The following TIMM9 variants were observed in gnomAD, a reference collection of about 807,000 sequenced individuals.
TIMM9 encodes mitochondrial import inner membrane translocase subunit Tim9.
A neutral mutation model predicts 13.4 loss-of-function variants in TIMM9; 10 were observed. The ratio of observed to expected loss-of-function variants is 0.75; its 90% confidence interval spans 0.46 to 1.26. TIMM9 has a LOEUF of 1.26. TIMM9 is among the 50% of genes most tolerant of loss of function. TIMM9 has a pLI of 0.00. For synonymous variants in TIMM9, 32 were observed against 32.1 expected, an observed-to-expected ratio of 1.00 and a Z score of 0.01; for missense variants, 87 against 100.8, an observed-to-expected ratio of 0.86 and a Z score of 0.58.
intron 3 of TIMM9, among the ~76,000 whole-genome samples, chr14:58,422,115 CTTT>C (rs762867153): frequency 2.4e-5 from 3 of 126,632 alleles, no homozygotes; most frequent in Non-Finnish European, 3.4e-5. Flanking sequence ...AGTATGAAAT[CTTT>C]TTTTTTTTTT....
chr14:58,418,542 GA>G (rs2036487076), intron 3 of TIMM9, among the ~76,000 whole-genome samples: 1 of 152,112 alleles, frequency 6.6e-6, no homozygotes, highest in Non-Finnish European at 1.5e-5. Context: ...ATATAATTAT[GA>G]ACATGCAAAA....
Position 58,408,778 on chromosome 14 carries a change from T to A in TIMM9, c.*256A>T. On this transcript the variant is annotated 3_prime_UTR_variant, in exon 6 of 6. Transcript: ENST00000395159. Reference sequence around the variant, plus strand: ...ACAATGGTTTATTTTTCTAATCAAGTGACCAAGCTGCTGAATCATAAGGCC... The same window carrying A: ...ACAATGGTTTATTTTTCTAATCAAGAGACCAAGCTGCTGAATCATAAGGCC... 1 of 689,116 alleles carries A rather than the reference T, an allele frequency of 1.5e-6. No homozygotes were observed. 42.7% of individuals were successfully genotyped at this position (689,116 alleles called of 1,614,324 possible). A position where few individuals can be genotyped will look rare whatever the true frequency, so the allele number is the denominator to read the frequency against.
intron 3 of TIMM9, among the ~76,000 whole-genome samples, chr14:58,415,380 A>T (rs543958971): frequency 3.5e-4 from 53 of 152,326 alleles, no homozygotes; most frequent in Non-Finnish European, 6.5e-4. Flanking sequence ...AAGACAACAG[A>T]TGCTCAACAT....
chr14:58,421,978 G>C lies in TIMM9; in HGVS notation c.-27+2030C>G, dbSNP rs148132066. 2.9e-3 allele frequency among the ~76,000 whole-genome samples: 442 copies of C among 150,248 alleles called. 3 individuals are homozygous for C. The highest frequency in any genetic ancestry group is 9.5e-3 in the African/African-American group (388 of 40,894). On this transcript the variant is annotated intron_variant, in intron 3 of 5. Transcript: ENST00000395159. ...ACAGTTCACATCAAAAAATAACACA[G>C]AGCTGATTTCCTTCTTATAATGCCA...
At chr14:58,427,328 T>C (rs552712838) in intron 1 of TIMM9, 64 bp downstream of exon 1, 1 of 367,900 alleles carries the variant, frequency 2.7e-6, no homozygotes, top group African/African-American at 2.1e-5. Flanking sequence ...CAACGCTTTC[T>C]ATTCCCGACT....
chr14:58,411,372 C>T (rs1311746333), intron 4 of TIMM9, among the ~76,000 whole-genome samples: 5 of 151,330 alleles, frequency 3.3e-5, no homozygotes, highest in Admixed American at 2.0e-4. Context: ...TGCTTGGGCC[C>T]GGGAGATGGA....
At chr14:58,415,882 G>A (rs183537436) in intron 3 of TIMM9, among the ~76,000 whole-genome samples, 6 of 151,932 alleles carry the variant, frequency 3.9e-5, no homozygotes, top group African/African-American at 7.3e-5. Context: ...GCATAAACCC[G>A]ATGAAACCTA....
chr14:58,417,961 T>C (rs920188464), intron 3 of TIMM9, among the ~76,000 whole-genome samples: 1 of 152,100 alleles, frequency 6.6e-6, no homozygotes, highest in African/African-American at 2.4e-5. Flanking sequence ...TACATAAACC[T>C]GACAACTTCT....
chr14:58,426,894 C>G (rs1004130637), intron 2 of TIMM9, among the ~76,000 whole-genome samples, 160 bp downstream of exon 2: 1 of 152,170 alleles, frequency 6.6e-6, no homozygotes, highest in African/African-American at 2.4e-5. Flanking sequence ...CCAGGAAGGT[C>G]TGCACCCGAC....
At chr14:58,426,666 T>C (rs1311344871) in intron 2 of TIMM9, among the ~76,000 whole-genome samples, 1 of 152,228 alleles carries the variant, frequency 6.6e-6, no homozygotes, top group African/African-American at 2.4e-5. Context: ...TAGCGCATCC[T>C]GGGAAATGAG....
intron 3 of TIMM9, among the ~76,000 whole-genome samples, chr14:58,422,679 A>G (rs1186189579): frequency 6.6e-6 from 1 of 152,200 alleles, no homozygotes; most frequent in Admixed American, 6.5e-5. Flanking sequence ...AAAGTAATAT[A>G]TTTATTGAGA....
At position 58,422,612 on chromosome 14, in the gene TIMM9, ATTAC is replaced by A. The variant is rs1335183984; in HGVS notation, c.-27+1392_-27+1395del. On this transcript the variant is annotated intron_variant, in intron 3 of 5. Coordinates refer to ENST00000395159, the MANE Select transcript of TIMM9 (RefSeq NM_012460.4). ...TTTATTCATTAATGTATTAATATAC[ATTAC>A]TTAAACAGTGTATGTTTCCTCTTTT... Among the ~76,000 whole-genome samples, 29 of 152,298 alleles carry A rather than the reference ATTAC, an allele frequency of 1.9e-4. No individual in the cohort carries two copies. In the East Asian group the frequency reaches 5.2e-3, roughly 27 times the overall value.
chr14:58,420,349 T>C (rs1022461487), intron 3 of TIMM9, among the ~76,000 whole-genome samples: 12 of 151,496 alleles, frequency 7.9e-5, no homozygotes, highest in African/African-American at 2.7e-4. Context: ...TAAAGAACTC[T>C]CAAACCCCAG....
At chr14:58,409,918 C>T (rs1466370508) in intron 5 of TIMM9, among the ~76,000 whole-genome samples, 1 of 152,016 alleles carries the variant, frequency 6.6e-6, no homozygotes, top group Non-Finnish European at 1.5e-5. Flanking sequence ...TCTCTGTTGC[C>T]CAGGGTGGAG....
intron 2 of TIMM9, among the ~76,000 whole-genome samples, chr14:58,426,098 C>T (rs372768744): frequency 6.6e-6 from 1 of 151,848 alleles, no homozygotes; most frequent in Non-Finnish European, 1.5e-5. Context: ...GCCTGTGCCA[C>T]AGAGTGAGAC....
At chr14:58,416,167 G>A (rs1394830241) in intron 3 of TIMM9, among the ~76,000 whole-genome samples, 1 of 152,106 alleles carries the variant, frequency 6.6e-6, no homozygotes, top group Admixed American at 6.5e-5. Flanking sequence ...GGCAGAGGTT[G>A]CAGTGAGCCA....
chr14:58,411,427 G>A (rs1192637632), intron 4 of TIMM9, among the ~76,000 whole-genome samples: 2 of 150,258 alleles, frequency 1.3e-5, no homozygotes, highest in African/African-American at 2.5e-5. Flanking sequence ...CAGCCTGGCC[G>A]ACAAAGAGAG....
rs549526864 is a variant in TIMM9 at position 58,408,549 on chromosome 14, T to A, written c.*485A>T. 1.1e-5 allele frequency: 18 copies of A among 1,613,876 alleles called. No homozygotes were observed. In the Admixed American group the frequency reaches 1.2e-4, roughly 10 times the overall value. On this transcript the variant is annotated 3_prime_UTR_variant, in exon 6 of 6. Transcript: ENST00000395159. ...ACCAGCAATTTGAGGCAGACATGAA[T>A]GAACAGGACTGCTTGGAGGATGATC...
At chr14:58,412,136 G>T in intron 3 of TIMM9, 165 bp from the exon 4 acceptor site, 2 of 524,782 alleles carry the variant, frequency 3.8e-6, no homozygotes, top group Non-Finnish European at 6.7e-6. Context: ...CCTTACAGTT[G>T]AGAATTAGAT....
Sources: allele counts gnomAD v4.1 joint callset (sites outside exome capture counted in the v4.1 genomes callset), GRCh38; gene constraint gnomAD v4.1.1; transcripts MANE v1.5; gene names NCBI Gene and HGNC (gene_info 2026-07-23, HGNC 2026-07-21).